The following TMTC2 variants were observed in gnomAD, a reference collection of about 807,000 sequenced individuals.
TMTC2 encodes protein O-mannosyl-transferase TMTC2.
TMTC2 carries 43 observed loss-of-function variants against 82.4 expected under a neutral mutation model. The observed-to-expected ratio is 0.52, with a 90% CI of 0.41 to 0.67. TMTC2 has a LOEUF of 0.67. TMTC2 is among the 30% of genes least tolerant of loss of function. TMTC2 has a pLI of 0.00. For synonymous variants in TMTC2, 408 were observed against 381.9 expected (o/e 1.07, Z -0.80); for missense variants, 919 against 1,012.4 (o/e 0.91, Z 1.25).
chr12:82,856,626 T>C (rs74106147), intron 1 of TMTC2, among the ~76,000 whole-genome samples: 5,677 of 152,294 alleles, frequency 0.037, 236 homozygotes, highest in African/African-American at 0.1. Flanking sequence ...TTGCATCACC[T>C]GGGCCTTGCT....
intron 4 of TMTC2, among the ~76,000 whole-genome samples, chr12:82,937,922 A>ATT (rs57555732): frequency 7.8e-4 from 103 of 131,382 alleles, no homozygotes; most frequent in Admixed American, 1.3e-3. Context: ...TTTTTTTTTT[A>ATT]TTTTTTTTTT....
intron 4 of TMTC2, among the ~76,000 whole-genome samples, chr12:82,956,922 C>T (rs1877644235): frequency 6.6e-6 from 1 of 152,112 alleles, no homozygotes; most frequent in Non-Finnish European, 1.5e-5. Flanking sequence ...AAAGACATAG[C>T]CACACAATAA....
At chr12:82,909,144 T>C (rs1213185466) in intron 3 of TMTC2, among the ~76,000 whole-genome samples, 1 of 152,176 alleles carries the variant, frequency 6.6e-6, no homozygotes, top group Non-Finnish European at 1.5e-5. Flanking sequence ...TTAAATTTTT[T>C]TGTTGCTAGT....
chr12:82,901,176 T>C (rs1369750440), intron 3 of TMTC2, among the ~76,000 whole-genome samples: 1 of 81,808 alleles, frequency 1.2e-5, no homozygotes, highest in Non-Finnish European at 2.2e-5. Context: ...ATCTGGAATA[T>C]ATATATAGGA....
At chr12:82,930,294 T>C in intron 3 of TMTC2, 137 bp from the exon 4 acceptor site, 2 of 532,632 alleles carry the variant, frequency 3.8e-6, no homozygotes, top group East Asian at 5.7e-5. Flanking sequence ...TGTTAGAGTA[T>C]AAAGGAAATA....
chr12:82,879,661 C>T (rs1872735825), intron 2 of TMTC2, among the ~76,000 whole-genome samples: 1 of 152,128 alleles, frequency 6.6e-6, no homozygotes, highest in Non-Finnish European at 1.5e-5. Context: ...ATTCTTCTAC[C>T]CATTGGGTGG....
In TMTC2 at chr12:82,687,515, T is replaced by G; in HGVS notation, c.-72T>G. On this transcript the variant is annotated 5_prime_UTR_variant, in exon 1 of 12. The change creates a new upstream start codon in the 5' untranslated region. Coordinates refer to ENST00000321196, the MANE Select transcript of TMTC2 (RefSeq NM_152588.3). ...GGAGAAGGCGGCGGAAGGTGGAGAT[T>G]GATGCTTCTGTTTTTTGTTGCCGCT... 1.4e-6 allele frequency: 2 copies of G among 1,439,582 alleles called. No homozygotes were observed. The highest frequency in any genetic ancestry group is 2.4e-5 in the East Asian group (1 of 42,174). The allele number at this position is 1,439,582 out of a possible 1,614,324, so 89.2% of individuals were successfully genotyped here. A position where few individuals can be genotyped will look rare whatever the true frequency, so the allele number is the denominator to read the frequency against.
intron 10 of TMTC2, among the ~76,000 whole-genome samples, chr12:83,057,160 C>T (rs1194304060): frequency 6.6e-6 from 1 of 151,888 alleles, no homozygotes; most frequent in African/African-American, 2.4e-5. Flanking sequence ...TAATTTTTCC[C>T]ACTACACATA....
chr12:82,790,839 A>C (rs1030646719), intron 1 of TMTC2, among the ~76,000 whole-genome samples: 3 of 151,726 alleles, frequency 2.0e-5, no homozygotes, highest in African/African-American at 7.3e-5. Flanking sequence ...AAAAAAAAAA[A>C]AAAGAAAGAA....
At chr12:82,706,829 G>T (rs977773619) in intron 1 of TMTC2, among the ~76,000 whole-genome samples, 11 of 152,098 alleles carry the variant, frequency 7.2e-5, no homozygotes, top group Non-Finnish European at 1.0e-4. Context: ...GATCACTTTT[G>T]GGTGAAGGGA....
chr12:82,945,939 T>C (rs1201210188), intron 4 of TMTC2, among the ~76,000 whole-genome samples: 1 of 152,236 alleles, frequency 6.6e-6, no homozygotes, highest in Non-Finnish European at 1.5e-5. Flanking sequence ...GAATGTGTCA[T>C]CTGCTGCTTA....
rs568415615 is a variant in TMTC2 at position 82,725,452 on chromosome 12, A to G, written c.83+37783A>G. On this transcript the variant is annotated intron_variant, in intron 1 of 11. Transcript: ENST00000321196. ...TCACATTTTGGGATGGATAGTCTAC[A>G]AGATTCTTATTTCCATTAATACTTT... Among the ~76,000 whole-genome samples the G allele has an allele frequency of 3.3e-5, 5 of 152,364 alleles. No individual in the cohort carries two copies. The South Asian group carries it at 1.0e-3, about 32-fold the overall frequency.
At chr12:82,706,323 C>CAA (rs11365830) in intron 1 of TMTC2, among the ~76,000 whole-genome samples, 12 of 80,244 alleles carry the variant, frequency 1.5e-4, no homozygotes, top group South Asian at 8.5e-4. Flanking sequence ...GAGTCCATCT[C>CAA]AAAAAAAAAA....
chr12:82,744,054 C>T (rs1875553346), intron 1 of TMTC2, among the ~76,000 whole-genome samples: 1 of 151,976 alleles, frequency 6.6e-6, no homozygotes, highest in Non-Finnish European at 1.5e-5. Flanking sequence ...GGGAGGATCG[C>T]TCGAAGCCAG....
intron 1 of TMTC2, among the ~76,000 whole-genome samples, chr12:82,711,988 T>C (rs1873646367): frequency 6.6e-6 from 1 of 152,196 alleles, no homozygotes; most frequent in Admixed American, 6.5e-5. Context: ...CAGCACGCTC[T>C]ATCTTTATCT....
chr12:82,716,427 G>C (rs895835963), intron 1 of TMTC2, among the ~76,000 whole-genome samples: 1 of 149,618 alleles, frequency 6.7e-6, no homozygotes. Flanking sequence ...GCAGTGGCGC[G>C]ATCTCGACTC....
intron 1 of TMTC2, among the ~76,000 whole-genome samples, chr12:82,725,703 A>G (rs990507578): frequency 1.3e-5 from 2 of 152,198 alleles, no homozygotes; most frequent in Non-Finnish European, 2.9e-5. Context: ...TACACTTGAT[A>G]AATACATTGG....
At chr12:83,092,238 A>G (rs1366670702) in intron 11 of TMTC2, among the ~76,000 whole-genome samples, 2 of 152,132 alleles carry the variant, frequency 1.3e-5, no homozygotes, top group African/African-American at 4.8e-5. Context: ...TGTTCCTCCC[A>G]CACAAAGGCT....
chr12:83,026,705 A>AGTGTGT lies in TMTC2; in HGVS notation c.2071-4061_2071-4056dup, dbSNP rs67900968. ...GGGGAGTTTTAGAAATGATTGAAGG[A>AGTGTGT]GTGTGTGTGTGTGTGTGTGTGTGTG... On this transcript the variant is annotated intron_variant, in intron 8 of 11. Transcript: ENST00000321196. 7.2e-3 allele frequency among the ~76,000 whole-genome samples: 1,033 copies of AGTGTGT among 142,988 alleles called. 7 individuals carry two copies. Among genetic ancestry groups the AGTGTGT allele is most frequent in the Middle Eastern group, 0.018 (5 of 276 alleles). 93.8% of individuals were successfully genotyped at this position (142,988 alleles called of 152,430 possible).
Sources: allele counts gnomAD v4.1 joint callset (sites outside exome capture counted in the v4.1 genomes callset), GRCh38; gene constraint gnomAD v4.1.1; transcripts MANE v1.5; gene names NCBI Gene and HGNC (gene_info 2026-07-23, HGNC 2026-07-21).